Variants in AGTPBP1 observed in about 807,000 individuals in gnomAD.
AGTPBP1 encodes the protein cytosolic carboxypeptidase 1.
A neutral mutation model predicts 143.9 loss-of-function variants in AGTPBP1; 70 were observed. The ratio of observed to expected loss-of-function variants is 0.49; its 90% CI spans 0.40 to 0.59. The LOEUF is 0.59. AGTPBP1 is among the 20% of genes least tolerant of loss of function. The pLI is 0.00. For missense variants in AGTPBP1, 1,229 were observed against 1,464.5 expected (o/e 0.84, Z 2.62); for synonymous variants, 463 against 500.2 (o/e 0.93, Z 0.99).
chr9:85,559,927 G>T (rs1056119377), intron 25 of AGTPBP1, among the ~76,000 whole-genome samples: 2 of 152,232 alleles, frequency 1.3e-5, no homozygotes, highest in Non-Finnish European at 2.9e-5. Context: ...CCCCTTTCTT[G>T]AGTGTGTACT....
intron 13 of AGTPBP1, among the ~76,000 whole-genome samples, chr9:85,639,529 G>C (rs2133793465): frequency 6.6e-6 from 1 of 152,158 alleles, no homozygotes; most frequent in Non-Finnish European, 1.5e-5. Context: ...GAGATATGAG[G>C]ATCAACTTCA....
chr9:85,659,164 T>G (rs903507064), intron 9 of AGTPBP1, among the ~76,000 whole-genome samples: 2 of 152,152 alleles, frequency 1.3e-5, no homozygotes, highest in Admixed American at 1.3e-4. Context: ...TTAAAGGAAG[T>G]GAACAGAGCT....
chr9:85,773,275 A>G, the AGTPBP1 span, among the ~76,000 whole-genome samples: 2 of 148,300 alleles, frequency 1.3e-5, no homozygotes, highest in Non-Finnish European at 1.5e-5. Context: ...AAAAAAAAAA[A>G]AAAAAAAAAA....
intron 18 of AGTPBP1, among the ~76,000 whole-genome samples, chr9:85,593,329 A>G (rs377519034): frequency 1.1e-4 from 17 of 152,328 alleles, no homozygotes; most frequent in Middle Eastern, 3.4e-3. Flanking sequence ...CCTACATGAC[A>G]ATCCAGCTTC....
chr9:85,741,796 C>A lies in AGTPBP1; in HGVS notation c.-55G>T. 1 of 1,358,408 alleles carries A rather than the reference C, an allele frequency of 7.4e-7. No homozygotes were observed. Among genetic ancestry groups the A allele is most frequent in the Non-Finnish European group, 9.5e-7 (1 of 1,057,678 alleles). 84.1% of individuals were successfully genotyped at this position (1,358,408 alleles called of 1,614,324 possible). On this transcript the variant is annotated 5_prime_UTR_variant, in exon 1 of 26. Transcript: ENST00000357081. ...TCACCGGCTCAGGATGGGGCGCTGGCGGGGACCGCGCAGAGCCGCAGCACC... is the reference window on the plus strand; with the variant it reads ...TCACCGGCTCAGGATGGGGCGCTGGAGGGGACCGCGCAGAGCCGCAGCACC...
the AGTPBP1 span, among the ~76,000 whole-genome samples, chr9:85,798,227 C>T: frequency 6.6e-6 from 1 of 152,002 alleles, no homozygotes; most frequent in Admixed American, 6.6e-5. Context: ...TCTTGATATA[C>T]ACCTTTACTT....
intron 24 of AGTPBP1, among the ~76,000 whole-genome samples, chr9:85,576,411 T>C (rs1283278767): frequency 2.6e-5 from 4 of 152,304 alleles, no homozygotes; most frequent in African/African-American, 7.2e-5. Context: ...TTACTCTACA[T>C]GAAGCACATG....
the AGTPBP1 span, among the ~76,000 whole-genome samples, chr9:85,759,935 A>G: frequency 6.6e-6 from 1 of 152,152 alleles, no homozygotes; most frequent in East Asian, 1.9e-4. Context: ...GATAAAGGGG[A>G]TATCACCACC....
chr9:85,798,053 G>A, the AGTPBP1 span, among the ~76,000 whole-genome samples: 1 of 148,728 alleles, frequency 6.7e-6, no homozygotes, highest in African/African-American at 2.6e-5. Flanking sequence ...CCACCACATC[G>A]GCTATTTTTT....
In AGTPBP1 at chr9:85,576,723, T is replaced by C. The variant is rs368017879; in HGVS notation, c.3343-1248A>G. Among the ~76,000 whole-genome samples the C allele has an allele frequency of 1.3e-4, 20 of 152,136 alleles. 1 individual carries two copies. Among genetic ancestry groups the C allele is most frequent in the African/African-American group, 4.8e-4 (20 of 41,484 alleles). ...GAGATGTTAAGTGTGTGTGGAGAGG[T>C]TGGGAATATATGGGAGCTCTGTGTG... is the stretch of plus-strand genomic sequence containing the variant. On this transcript the variant is annotated intron_variant, in intron 24 of 25. Coordinates refer to ENST00000357081, the MANE Select transcript of AGTPBP1 (RefSeq NM_001330701.2).
At chr9:85,702,474 A>C (rs950148673) in intron 2 of AGTPBP1, among the ~76,000 whole-genome samples, 2 of 151,790 alleles carry the variant, frequency 1.3e-5, no homozygotes, top group African/African-American at 4.8e-5. Flanking sequence ...TTGCCAGTTC[A>C]CATTTCATCT....
At chr9:85,740,502 G>A (rs1202164787) in intron 1 of AGTPBP1, among the ~76,000 whole-genome samples, 1 of 152,140 alleles carries the variant, frequency 6.6e-6, no homozygotes, top group African/African-American at 2.4e-5. Flanking sequence ...TTTGACATTT[G>A]GCACATGTTT....
the AGTPBP1 span, among the ~76,000 whole-genome samples, chr9:85,775,534 TA>T: frequency 2.7e-5 from 4 of 147,368 alleles, no homozygotes; most frequent in African/African-American, 7.4e-5. Flanking sequence ...GATATATATA[TA>T]GATATATAAA....
At chr9:85,639,367 G>GCACACACACACA (rs60915473) in intron 13 of AGTPBP1, among the ~76,000 whole-genome samples, 13 of 147,320 alleles carry the variant, frequency 8.8e-5, no homozygotes, top group African/African-American at 1.5e-4. Flanking sequence ...GCGCGCACGC[G>GCACACACACACA]CACACACACA....
chr9:85,549,184 G>A (rs1825897838), intron 25 of AGTPBP1, among the ~76,000 whole-genome samples: 1 of 152,170 alleles, frequency 6.6e-6, no homozygotes, highest in African/African-American at 2.4e-5. Flanking sequence ...CCTGGAGACA[G>A]TCATAACAAG....
At chr9:85,568,716 T>C (rs930455314) in intron 25 of AGTPBP1, among the ~76,000 whole-genome samples, 4 of 152,026 alleles carry the variant, frequency 2.6e-5, no homozygotes, top group African/African-American at 9.7e-5. Context: ...GTAAAGGTGA[T>C]GGAGAGAAAT....
chr9:85,742,141 G>A, upstream of AGTPBP1: 3 of 789,254 alleles, frequency 3.8e-6, no homozygotes, highest in Non-Finnish European at 4.9e-6. Flanking sequence ...CTCTCTGCGC[G>A]CCTGACGGGA....
chr9:85,683,343 T>C (rs1835304400), intron 3 of AGTPBP1, among the ~76,000 whole-genome samples: 1 of 152,224 alleles, frequency 6.6e-6, no homozygotes, highest in Admixed American at 6.5e-5. Flanking sequence ...AAATATCTAA[T>C]GTACCCTTGA....
At position 85,596,412 on chromosome 9, in the gene AGTPBP1, T is replaced by C; in HGVS notation, c.2373A>G (p.Leu791=). ...TACGAATCCACCATGGTCTGGCATTTAATGCTTCCTGAACCGAATACATGA... is the reference window on the plus strand; with the variant it reads ...TACGAATCCACCATGGTCTGGCATTCAATGCTTCCTGAACCGAATACATGA... The part of the protein sequence containing the change: ...QPLMYSVQEA[L]NARPWWIRMG... The change falls in exon 18 of 26, where the codon TTA becomes TTG. Residue 791 remains leucine, a synonymous_variant. Transcript: ENST00000357081. 1 of 1,611,346 alleles carries C rather than the reference T, an allele frequency of 6.2e-7. No homozygotes were observed. The highest frequency in any genetic ancestry group is 8.5e-7 in the Non-Finnish European group (1 of 1,178,948).
Sources: allele counts gnomAD v4.1 joint callset (sites outside exome capture counted in the v4.1 genomes callset), GRCh38; gene constraint gnomAD v4.1.1; transcripts MANE v1.5; gene names NCBI Gene and HGNC (gene_info 2026-07-23, HGNC 2026-07-21).